The following SPAG16 variants were observed in gnomAD, a reference collection of about 807,000 sequenced individuals.
SPAG16 encodes the protein sperm-associated antigen 16 protein.
Under a neutral mutation model 80.4 loss-of-function variants are expected in SPAG16, and 86 were observed. The observed-to-expected ratio is 1.07, with a 90% CI of 0.90 to 1.28. The LOEUF is 1.28. SPAG16 is among the 50% of genes most tolerant of loss of function. SPAG16 has a pLI of 0.00. For synonymous variants in SPAG16, 294 were observed against 265.9 expected, an observed-to-expected ratio of 1.11 and a Z score of -1.03; for missense variants, 870 against 765.3, an observed-to-expected ratio of 1.14 and a Z score of -1.61.
At chr2:213,622,837 G>C (rs982693187) in intron 10 of SPAG16, among the ~76,000 whole-genome samples, 1 of 124,120 alleles carries the variant, frequency 8.1e-6, no homozygotes, top group Non-Finnish European at 1.7e-5. Flanking sequence ...GTGTGTGTCT[G>C]TGTATTTTTA....
At chr2:213,551,686 A>G (rs990259225) in intron 10 of SPAG16, among the ~76,000 whole-genome samples, 6 of 152,158 alleles carry the variant, frequency 3.9e-5, no homozygotes, top group African/African-American at 7.2e-5. Flanking sequence ...AGTTCCTTAG[A>G]AGGCATCTGA....
intron 15 of SPAG16, among the ~76,000 whole-genome samples, chr2:214,256,225 G>A (rs931728522): frequency 7.3e-5 from 11 of 151,672 alleles, no homozygotes; most frequent in African/African-American, 1.2e-4. Context: ...TTTCATGCAC[G>A]TATTGGCCAT....
At chr2:213,847,926 T>C (rs1157365812) in intron 10 of SPAG16, among the ~76,000 whole-genome samples, 2 of 151,892 alleles carry the variant, frequency 1.3e-5, no homozygotes, top group African/African-American at 4.8e-5. Context: ...GTGCCGTATG[T>C]TATAGAGGAA....
intron 10 of SPAG16, among the ~76,000 whole-genome samples, chr2:213,738,229 T>C (rs902471807): frequency 2.0e-5 from 3 of 152,196 alleles, no homozygotes; most frequent in Admixed American, 6.5e-5. Context: ...ACATGGGGGA[T>C]ACATTTCAAG....
chr2:213,647,784 A>G (rs1267438406), intron 10 of SPAG16, among the ~76,000 whole-genome samples: 1 of 152,194 alleles, frequency 6.6e-6, no homozygotes, highest in Non-Finnish European at 1.5e-5. Context: ...CTATATCACC[A>G]GGCCCCAGGC....
chr2:214,078,708 AATTT>A (rs2051209789), intron 13 of SPAG16, among the ~76,000 whole-genome samples: 1 of 152,132 alleles, frequency 6.6e-6, no homozygotes, highest in Non-Finnish European at 1.5e-5. Flanking sequence ...CCTTTGAGGA[AATTT>A]ATTATAATTG....
At chr2:213,319,093 A>T (rs2063516733) in intron 5 of SPAG16, among the ~76,000 whole-genome samples, 1 of 152,006 alleles carries the variant, frequency 6.6e-6, no homozygotes, top group Non-Finnish European at 1.5e-5. Context: ...AGGCAATGTT[A>T]TATGGAAAAA....
chr2:214,333,075 G>T (rs1418614387), intron 15 of SPAG16, among the ~76,000 whole-genome samples: 1 of 152,164 alleles, frequency 6.6e-6, no homozygotes, highest in African/African-American at 2.4e-5. Context: ...CCTTTTAAGA[G>T]AGGACCAAGT....
At chr2:213,404,611 G>T in intron 9 of SPAG16, among the ~76,000 whole-genome samples, 1 of 152,110 alleles carries the variant, frequency 6.6e-6, no homozygotes, top group Non-Finnish European at 1.5e-5. Flanking sequence ...AACCCTAGAA[G>T]AAAACCTAGG....
intron 13 of SPAG16, among the ~76,000 whole-genome samples, chr2:214,085,357 T>G (rs1285839281): frequency 1.4e-5 from 2 of 141,980 alleles, no homozygotes; most frequent in African/African-American, 5.3e-5. Flanking sequence ...CCAGCCTGGT[T>G]GACAGAGGGA....
At chr2:214,015,081 C>T (rs755587539) in intron 13 of SPAG16, among the ~76,000 whole-genome samples, 1 of 152,136 alleles carries the variant, frequency 6.6e-6, no homozygotes, top group Non-Finnish European at 1.5e-5. Context: ...CATTCATGCC[C>T]CTTCATGGGT....
At chr2:213,661,149 C>T (rs190194809) in intron 10 of SPAG16, among the ~76,000 whole-genome samples, 22 of 152,268 alleles carry the variant, frequency 1.4e-4, no homozygotes, top group Admixed American at 1.2e-3. Flanking sequence ...ATATTACATA[C>T]CACCACTTTT....
chr2:214,307,005 G>A (rs189710463), intron 15 of SPAG16, among the ~76,000 whole-genome samples: 4 of 152,058 alleles, frequency 2.6e-5, no homozygotes, highest in East Asian at 1.9e-4. Context: ...GTGTGAATCC[G>A]TCTAGTTCTG....
At chr2:213,447,238 G>T (rs2071374117) in intron 9 of SPAG16, among the ~76,000 whole-genome samples, 1 of 152,128 alleles carries the variant, frequency 6.6e-6, no homozygotes, top group Non-Finnish European at 1.5e-5. Context: ...ATCCTACTTT[G>T]CATAGGAGGT....
At chr2:214,323,100 T>C (rs1696216695) in intron 15 of SPAG16, among the ~76,000 whole-genome samples, 1 of 152,230 alleles carries the variant, frequency 6.6e-6, no homozygotes, top group African/African-American at 2.4e-5. Flanking sequence ...GATTATTTGC[T>C]GAAAGGTACC....
intron 10 of SPAG16, among the ~76,000 whole-genome samples, chr2:213,809,998 G>A (rs1029312794): frequency 3.3e-5 from 5 of 152,094 alleles, no homozygotes; most frequent in East Asian, 3.9e-4. Flanking sequence ...CCCACGCATC[G>A]TACGAAAAGG....
intron 10 of SPAG16, among the ~76,000 whole-genome samples, chr2:213,594,194 A>C (rs988144885): frequency 1.6e-4 from 25 of 152,170 alleles, no homozygotes; most frequent in African/African-American, 6.0e-4. Flanking sequence ...CATCATACCT[A>C]GCACAGATTT....
At chr2:213,740,874 C>T (rs962508335) in intron 10 of SPAG16, among the ~76,000 whole-genome samples, 2 of 152,184 alleles carry the variant, frequency 1.3e-5, no homozygotes, top group Non-Finnish European at 2.9e-5. Flanking sequence ...TTCTAACCAT[C>T]CCCATCAGTG....
intron 15 of SPAG16, among the ~76,000 whole-genome samples, chr2:214,203,382 T>G (rs186082453): frequency 2.6e-5 from 4 of 152,224 alleles, no homozygotes; most frequent in Middle Eastern, 3.4e-3. Context: ...AAATCGTGAA[T>G]TTTGGCTCCA....
Sources: gnomAD v4.1 joint callset for allele counts (sites outside exome capture counted in the v4.1 genomes callset) on GRCh38, gnomAD v4.1.1 for gene constraint, MANE v1.5 for transcripts, NCBI Gene and HGNC (gene_info 2026-07-23, HGNC 2026-07-21) for gene names.